Variants in PICALM observed in about 807,000 individuals in gnomAD.
PICALM encodes the protein phosphatidylinositol-binding clathrin assembly protein.
In PICALM, 40 loss-of-function variants were observed where a neutral mutation model predicts 80.5. The observed-to-expected ratio is 0.50, with a 90% CI of 0.39 to 0.65. PICALM has a LOEUF of 0.65. Among genes scored for constraint, PICALM ranks in the 30% least tolerant of loss-of-function variants. The pLI is 0.00. For synonymous variants in PICALM, 288 were observed against 260.3 expected (o/e 1.11, Z -1.02); for missense variants, 676 against 778.9 (o/e 0.87, Z 1.57).
intron 1 of PICALM, among the ~76,000 whole-genome samples, chr11:86,055,579 C>T (rs557138974): frequency 6.6e-6 from 1 of 152,198 alleles, no homozygotes; most frequent in Non-Finnish European, 1.5e-5. Flanking sequence ...TAACATTTTT[C>T]TCCTGCACAA....
At chr11:86,068,466 G>C (rs2096478963) in intron 1 of PICALM, among the ~76,000 whole-genome samples, 185 bp downstream of exon 1, 2 of 152,090 alleles carry the variant, frequency 1.3e-5, no homozygotes, top group African/African-American at 2.4e-5. Context: ...ACGGGGAGCG[G>C]AGGCCGTGAA....
Position 86,064,960 on chromosome 11 carries a change from T to C in PICALM, c.130+3691A>G, listed in dbSNP as rs538171373. Among the ~76,000 whole-genome samples the C allele has an allele frequency of 2.6e-5, 4 of 152,110 alleles. No homozygotes were observed. The East Asian group carries it at 7.7e-4, about 29-fold the overall frequency. On this transcript the variant is annotated intron_variant, in intron 1 of 19. Transcript: ENST00000393346. ...AACCAGGCGTGGTGGCACATGCCTA[T>C]AGTCCCAGCTACTTGGGAGACTGAT...
Position 86,036,011 on chromosome 11 carries a change from C to T in PICALM, c.131-4400G>A, listed in dbSNP as rs564994613. Among the ~76,000 whole-genome samples the T allele has an allele frequency of 1.3e-3, 197 of 149,566 alleles. 1 individual carries two copies. The highest frequency in any genetic ancestry group is 4.7e-3 in the African/African-American group (192 of 40,758). ...GATAAAATTAATATGGAAGGCAAGG[C>T]AAATTAACTGGTTAATCAAATTTTG... On this transcript the variant is annotated intron_variant, in intron 1 of 19. Coordinates refer to ENST00000393346, the MANE Select transcript of PICALM (RefSeq NM_007166.4).
chr11:86,049,064 G>A (rs1047201131), intron 1 of PICALM, among the ~76,000 whole-genome samples: 11 of 152,250 alleles, frequency 7.2e-5, no homozygotes, highest in Middle Eastern at 6.8e-3. Context: ...AGACCAAGGC[G>A]GGTGGATCAC....
intron 19 of PICALM, among the ~76,000 whole-genome samples, chr11:85,972,724 G>A (rs1385689685): frequency 6.6e-6 from 1 of 151,990 alleles, no homozygotes; most frequent in Non-Finnish European, 1.5e-5. Flanking sequence ...ATACATTTAG[G>A]TTTCTATCAC....
At chr11:86,045,227 C>T (rs936748284) in intron 1 of PICALM, among the ~76,000 whole-genome samples, 33 of 152,126 alleles carry the variant, frequency 2.2e-4, no homozygotes, top group African/African-American at 6.0e-4. Flanking sequence ...TTTAATATTA[C>T]GCCTTTAAGT....
chr11:86,009,579 C>T (rs1227546823), intron 7 of PICALM, among the ~76,000 whole-genome samples: 1 of 152,174 alleles, frequency 6.6e-6, no homozygotes. Context: ...GCAATCCCAG[C>T]TACTCGGGAG....
intron 1 of PICALM, among the ~76,000 whole-genome samples, chr11:86,041,755 C>T (rs1215594650): frequency 5.3e-5 from 8 of 152,182 alleles, no homozygotes; most frequent in African/African-American, 1.4e-4. Context: ...ACTGAAAACA[C>T]ATTTTTCAGA....
At chr11:86,056,512 C>G (rs1004833887) in intron 1 of PICALM, among the ~76,000 whole-genome samples, 6 of 151,758 alleles carry the variant, frequency 4.0e-5, no homozygotes, top group African/African-American at 1.5e-4. Flanking sequence ...AACTAAAATC[C>G]TGAAAATAAC....
intron 1 of PICALM, among the ~76,000 whole-genome samples, chr11:86,040,392 G>A (rs1361251333): frequency 6.6e-6 from 1 of 151,968 alleles, no homozygotes; most frequent in Non-Finnish European, 1.5e-5. Context: ...TAGAGACGAG[G>A]TCTCCCCCTC....
chr11:85,959,254 G>A (rs908205793), intron 19 of PICALM, among the ~76,000 whole-genome samples, 194 bp from the exon 20 acceptor site: 1 of 152,138 alleles, frequency 6.6e-6, no homozygotes, highest in African/African-American at 2.4e-5. Flanking sequence ...CACATATAGG[G>A]ACTTCCAAAT....
Position 86,001,117 on chromosome 11 carries a change from G to C in PICALM, c.935C>G (p.Thr312Ser). 1.2e-6 allele frequency: 2 copies of C among 1,614,018 alleles called. No individual in the cohort carries two copies. Among genetic ancestry groups the C allele is most frequent in the Non-Finnish European group, 8.5e-7 (1 of 1,179,876 alleles). Residue 312 changes from threonine (T) to serine (S), a missense_variant, in exon 10 of 20, where the codon ACT becomes AGT. By Grantham distance (58) the Thr-to-Ser change is moderately conservative (BLOSUM62 1). This residue lies in a region of PICALM where 285 missense variants were observed against 395.4 expected (regional missense o/e 0.72). Transcript: ENST00000393346. Reference protein sequence around the residue: ...LSNAVSSLASTGLSLTKVDER... With the variant: ...LSNAVSSLASSGLSLTKVDER... The stretch of plus-strand genomic sequence containing the variant: ...ATCCACTTTGGTCAGAGATAGACCA[G>C]TGCTTGCCAGGGAAGACACTGCATT...
intron 1 of PICALM, among the ~76,000 whole-genome samples, chr11:86,053,600 C>T (rs1044818956): frequency 6.6e-6 from 1 of 152,148 alleles, no homozygotes; most frequent in African/African-American, 2.4e-5. Flanking sequence ...GACAGGGTCT[C>T]ACTGTCACCA....
chr11:86,061,374 T>G (rs2096363278), intron 1 of PICALM, among the ~76,000 whole-genome samples: 1 of 149,038 alleles, frequency 6.7e-6, no homozygotes, highest in South Asian at 2.1e-4. Flanking sequence ...AAGACACATT[T>G]GATAAAGGAC....
At chr11:85,991,667 A>T (rs2094783854) in intron 12 of PICALM, among the ~76,000 whole-genome samples, 1 of 141,658 alleles carries the variant, frequency 7.1e-6, no homozygotes, top group Admixed American at 7.0e-5. Context: ...AATTCACACT[A>T]AAAAAAAAAA....
intron 1 of PICALM, among the ~76,000 whole-genome samples, chr11:86,050,272 A>G (rs2096162222): frequency 6.6e-6 from 1 of 151,394 alleles, no homozygotes. Context: ...GGCCCCCCCA[A>G]AAAAAAAGCC....
At chr11:85,971,379 C>T (rs2094107005) in intron 19 of PICALM, among the ~76,000 whole-genome samples, 1 of 151,968 alleles carries the variant, frequency 6.6e-6, no homozygotes, top group African/African-American at 2.4e-5. Flanking sequence ...TGGCACTTTT[C>T]TGGTGTTTCT....
intron 4 of PICALM, among the ~76,000 whole-genome samples, chr11:86,016,258 T>A (rs1001309677): frequency 3.9e-5 from 6 of 152,160 alleles, no homozygotes; most frequent in Non-Finnish European, 8.8e-5. Context: ...AATCCCTGAT[T>A]CTAACCTTAC....
chr11:85,988,520 G>A (rs2094651158), intron 13 of PICALM, among the ~76,000 whole-genome samples: 1 of 152,104 alleles, frequency 6.6e-6, no homozygotes, highest in Non-Finnish European at 1.5e-5. Flanking sequence ...GCACATAAAG[G>A]AAGTATTAGG....
Sources: allele counts gnomAD v4.1 joint callset (sites outside exome capture counted in the v4.1 genomes callset), GRCh38; gene constraint gnomAD v4.1.1; regional missense constraint gnomAD v4.1.1; transcripts MANE v1.5; gene names NCBI Gene and HGNC (gene_info 2026-07-23, HGNC 2026-07-21).